Variants in SLC36A1 observed in about 807,000 individuals in gnomAD.
SLC36A1 encodes proton-coupled amino acid transporter 1.
Under a neutral mutation model 47.5 loss-of-function variants are expected in SLC36A1, and 30 were observed. That is an observed-to-expected ratio of 0.63 (90% CI 0.47 to 0.86). The LOEUF is 0.86. Ranked by LOEUF, SLC36A1 falls within the 40% of genes least tolerant of loss-of-function variation. The pLI is 0.00. For missense variants in SLC36A1, 517 were observed against 606.0 expected, an observed-to-expected ratio of 0.85 and a Z score of 1.54; for synonymous variants, 255 against 249.7, an observed-to-expected ratio of 1.02 and a Z score of -0.20.
At chr5:151,381,033 G>T in the SLC36A1 span, 1 of 405,658 alleles carries the variant, frequency 2.5e-6, no homozygotes, top group East Asian at 6.0e-5. Flanking sequence ...TTGAAGAGGC[G>T]GGAGGTGTCA....
chr5:151,470,439 A>T (rs1581162667), intron 7 of SLC36A1, among the ~76,000 whole-genome samples: 2 of 152,230 alleles, frequency 1.3e-5, no homozygotes, highest in Non-Finnish European at 1.5e-5. Context: ...TACAACCAGG[A>T]CACAGAGCAA....
chr5:151,546,025 C>T, the SLC36A1 span: 2 of 1,614,046 alleles, frequency 1.2e-6, no homozygotes, highest in East Asian at 4.5e-5. Context: ...AGAGAAGACT[C>T]CATCCTTATT....
chr5:151,506,747 C>A, the SLC36A1 span, among the ~76,000 whole-genome samples: 2 of 152,252 alleles, frequency 1.3e-5, no homozygotes, highest in African/African-American at 4.8e-5. Flanking sequence ...GATATTCCCC[C>A]TCTAGGTCAG....
chr5:151,539,995 A>T, the SLC36A1 span, among the ~76,000 whole-genome samples: 1 of 152,202 alleles, frequency 6.6e-6, no homozygotes, highest in Non-Finnish European at 1.5e-5. Context: ...GCATGGGGTG[A>T]GGGGTTTGTC....
the SLC36A1 span, among the ~76,000 whole-genome samples, chr5:151,413,594 C>T: frequency 6.6e-6 from 1 of 152,022 alleles, no homozygotes; most frequent in Non-Finnish European, 1.5e-5. Context: ...CTGATGGTCA[C>T]ATAACTTTTA....
chr5:151,469,202 C>T (rs1192505581), intron 7 of SLC36A1: 2 of 693,106 alleles, frequency 2.9e-6, no homozygotes, highest in Non-Finnish European at 5.3e-6. Flanking sequence ...CCCCGAGTCT[C>T]CTCTCAGGGA....
chr5:151,421,474 T>C, the SLC36A1 span, among the ~76,000 whole-genome samples: 5 of 148,198 alleles, frequency 3.4e-5, no homozygotes, highest in African/African-American at 1.2e-4. Flanking sequence ...ACTCCTGTGC[T>C]CAAGTGATCC....
At chr5:151,546,516 G>A in the SLC36A1 span, among the ~76,000 whole-genome samples, 9 of 152,124 alleles carry the variant, frequency 5.9e-5, no homozygotes, top group Non-Finnish European at 2.9e-5. Context: ...CTAACATGGT[G>A]TGCATAGTAG....
At chr5:151,407,738 G>T in the SLC36A1 span, among the ~76,000 whole-genome samples, 2 of 152,300 alleles carry the variant, frequency 1.3e-5, no homozygotes, top group East Asian at 3.9e-4. Flanking sequence ...TCTGCCCTCT[G>T]CCATTCTCTG....
the SLC36A1 span, among the ~76,000 whole-genome samples, chr5:151,554,174 C>A: frequency 2.6e-5 from 4 of 152,180 alleles, no homozygotes; most frequent in East Asian, 7.7e-4. Flanking sequence ...TTATTGCCTT[C>A]AAAGAGAAGG....
intron 2 of SLC36A1, among the ~76,000 whole-genome samples, chr5:151,461,868 T>C (rs1322469876): frequency 6.6e-6 from 1 of 152,158 alleles, no homozygotes; most frequent in East Asian, 1.9e-4. Flanking sequence ...ATGGGAAGTA[T>C]GCATGAAGTA....
the SLC36A1 span, chr5:151,509,841 A>G: frequency 1.5e-6 from 1 of 656,216 alleles, no homozygotes; most frequent in Non-Finnish European, 2.7e-6. Flanking sequence ...AGTGTCTTCC[A>G]TGAAACCGGT....
At chr5:151,483,515 T>TC (rs1554117412) in intron 10 of SLC36A1, among the ~76,000 whole-genome samples, 3 of 110,128 alleles carry the variant, frequency 2.7e-5, no homozygotes, top group Admixed American at 2.5e-4. Flanking sequence ...TCTTTGTGTG[T>TC]GTGGGGGGGG....
At chr5:151,425,464 T>G in the SLC36A1 span, 2 of 152,352 alleles carry the variant, frequency 1.3e-5, no homozygotes, top group African/African-American at 2.4e-5. Flanking sequence ...CAGAGCCAAC[T>G]GCCTGGGGAA....
At chr5:151,397,419 C>G in the SLC36A1 span, among the ~76,000 whole-genome samples, 143 of 152,364 alleles carry the variant, frequency 9.4e-4, 1 homozygote, top group Non-Finnish European at 1.4e-3. Context: ...CTGCTAGCCA[C>G]TCTATAGTGA....
rs1000089491 is a variant in SLC36A1, at chr5:151,489,420, A to G, written c.*1166A>G. On this transcript the variant is annotated 3_prime_UTR_variant, in exon 11 of 11. Transcript: ENST00000243389. This position sits in a 1 kb window ranked among gnomAD's most constrained non-coding sequence, Gnocchi z 4.5. ...CTGAGGTCAGTGTGCACAGAGTTTG[A>G]AATTAAGTTAATAGACTTTACAGCA... 1 of 152,724 alleles carries G rather than the reference A, an allele frequency of 6.5e-6. No homozygotes were observed. Among genetic ancestry groups the G allele is most frequent in the Non-Finnish European group, 1.5e-5 (1 of 68,030 alleles). The allele number at this position is 152,724 out of a possible 1,614,324, so 9.5% of individuals were successfully genotyped here.
chr5:151,500,277 T>C, the SLC36A1 span, among the ~76,000 whole-genome samples: 5 of 152,336 alleles, frequency 3.3e-5, no homozygotes, highest in East Asian at 9.6e-4. Flanking sequence ...TTATTTAAGT[T>C]ACTAACATAA....
the SLC36A1 span, chr5:151,540,816 C>A: frequency 6.6e-7 from 1 of 1,510,380 alleles, no homozygotes. Flanking sequence ...ATGAACTAGG[C>A]TTTGTGTCAC....
chr5:151,542,662 A>G, the SLC36A1 span: 1 of 1,614,204 alleles, frequency 6.2e-7, no homozygotes, highest in East Asian at 2.2e-5. Flanking sequence ...GTCCTTGTCA[A>G]TGGCAGTCAC....
Sources: gnomAD v4.1 joint callset for allele counts (sites outside exome capture counted in the v4.1 genomes callset) on GRCh38, gnomAD v4.1.1 for gene constraint, Gnocchi (gnomAD v3.1) non-coding constraint, MANE v1.5 for transcripts, NCBI Gene and HGNC (gene_info 2026-07-23, HGNC 2026-07-21) for gene names.